Variants in TAS2R1 observed in about 807,000 individuals in gnomAD.
TAS2R1 encodes the protein taste receptor type 2 member 1.
For synonymous variants in TAS2R1, 141 were observed against 134.2 expected, an observed-to-expected ratio of 1.05 and a Z score of -0.35; for missense variants, 370 against 353.4, an observed-to-expected ratio of 1.05 and a Z score of -0.38.
chr5:9,695,077 T>C (rs1419578297), intron 1 of TAS2R1, among the ~76,000 whole-genome samples: 2 of 152,196 alleles, frequency 1.3e-5, no homozygotes, highest in Non-Finnish European at 2.9e-5. Flanking sequence ...CACCAGTACA[T>C]GACTTCTATC....
the TAS2R1 span, among the ~76,000 whole-genome samples, chr5:9,806,560 C>T: frequency 1.7e-3 from 252 of 152,084 alleles, 2 homozygotes; most frequent in African/African-American, 5.7e-3. Flanking sequence ...ACCAAAGGAA[C>T]AGAATAAAGA....
chr5:9,891,834 T>A, the TAS2R1 span, among the ~76,000 whole-genome samples: 1 of 152,162 alleles, frequency 6.6e-6, no homozygotes, highest in Non-Finnish European at 1.5e-5. Context: ...AAGCACTTCA[T>A]GACCACTCCA....
intron 1 of TAS2R1, among the ~76,000 whole-genome samples, chr5:9,672,588 T>C (rs1287759396): frequency 6.6e-6 from 1 of 152,144 alleles, no homozygotes; most frequent in African/African-American, 2.4e-5. Flanking sequence ...TGAGATACTG[T>C]CTCACACCAG....
chr5:9,799,114 T>C, the TAS2R1 span, among the ~76,000 whole-genome samples: 1 of 152,188 alleles, frequency 6.6e-6, no homozygotes, highest in Admixed American at 6.5e-5. Context: ...TGTTAGGTTG[T>C]CTCTCTAAAG....
At chr5:9,816,266 G>A in the TAS2R1 span, among the ~76,000 whole-genome samples, 1 of 152,030 alleles carries the variant, frequency 6.6e-6, no homozygotes, top group South Asian at 2.1e-4. Flanking sequence ...ACCCTGGCAT[G>A]CTATTTTTGA....
chr5:9,636,433 C>A (rs1739965706), intron 2 of TAS2R1, among the ~76,000 whole-genome samples: 1 of 152,062 alleles, frequency 6.6e-6, no homozygotes, highest in Non-Finnish European at 1.5e-5. Flanking sequence ...GTAGAATGTT[C>A]TGTAAATATC....
At chr5:9,872,894 T>C in the TAS2R1 span, among the ~76,000 whole-genome samples, 11,493 of 152,274 alleles carry the variant, frequency 0.075, 1,001 homozygotes, top group East Asian at 0.28. Flanking sequence ...CATTAATTTT[T>C]CCATTAATTA....
chr5:9,894,168 C>T, the TAS2R1 span, among the ~76,000 whole-genome samples: 14 of 151,984 alleles, frequency 9.2e-5, no homozygotes, highest in Non-Finnish European at 8.8e-5. Context: ...TTTGGGAAGC[C>T]GAGGCGGGTG....
chr5:9,809,785 A>G, the TAS2R1 span, among the ~76,000 whole-genome samples: 5 of 152,176 alleles, frequency 3.3e-5, no homozygotes, highest in African/African-American at 1.2e-4. Flanking sequence ...ATCAATGCCA[A>G]TGAAGACCTT....
chr5:9,739,663 A>G, the TAS2R1 span, among the ~76,000 whole-genome samples: 3 of 152,180 alleles, frequency 2.0e-5, no homozygotes, highest in Non-Finnish European at 4.4e-5. Flanking sequence ...TGCAAACACT[A>G]TATTTATTAA....
At chr5:9,736,913 T>C in the TAS2R1 span, among the ~76,000 whole-genome samples, 1 of 152,178 alleles carries the variant, frequency 6.6e-6, no homozygotes, top group Non-Finnish European at 1.5e-5. Flanking sequence ...AGGTCATAGT[T>C]AGAAATGCCC....
the TAS2R1 span, among the ~76,000 whole-genome samples, chr5:9,772,618 G>A: frequency 1.3e-5 from 2 of 152,072 alleles, no homozygotes; most frequent in African/African-American, 4.8e-5. Flanking sequence ...AGCTATGATT[G>A]TATTGGGGCC....
At chr5:9,893,120 C>A in the TAS2R1 span, among the ~76,000 whole-genome samples, 1 of 152,114 alleles carries the variant, frequency 6.6e-6, no homozygotes, top group Non-Finnish European at 1.5e-5. Flanking sequence ...TACATGCAAC[C>A]AGAGAGAAGG....
intron 1 of TAS2R1, among the ~76,000 whole-genome samples, chr5:9,660,150 C>A (rs899361854): frequency 4.7e-5 from 7 of 149,798 alleles, no homozygotes; most frequent in African/African-American, 1.7e-4. Flanking sequence ...GCTCTGCCTC[C>A]TGGGTTCATG....
chr5:9,740,102 A>C, the TAS2R1 span, among the ~76,000 whole-genome samples: 1 of 152,184 alleles, frequency 6.6e-6, no homozygotes, highest in Non-Finnish European at 1.5e-5. Flanking sequence ...GATAGACTGT[A>C]ACCAAAACGA....
At chr5:9,698,827 T>C (rs1235314622) in intron 1 of TAS2R1, among the ~76,000 whole-genome samples, 2 of 152,226 alleles carry the variant, frequency 1.3e-5, no homozygotes, top group Non-Finnish European at 2.9e-5. Context: ...GAAAGAATAT[T>C]ATCTTGTAAA....
chr5:9,830,001 T>C, the TAS2R1 span, among the ~76,000 whole-genome samples: 16 of 152,286 alleles, frequency 1.1e-4, 1 homozygote, highest in South Asian at 8.3e-4. Flanking sequence ...TTTGTGACCA[T>C]TGACCTTGTC....
the TAS2R1 span, among the ~76,000 whole-genome samples, chr5:9,718,396 C>A: frequency 6.6e-6 from 1 of 152,102 alleles, no homozygotes; most frequent in African/African-American, 2.4e-5. Context: ...AAAAGTCCTA[C>A]AGAAAAATGG....
the TAS2R1 span, among the ~76,000 whole-genome samples, chr5:9,845,337 A>G: frequency 1.3e-5 from 2 of 152,242 alleles, no homozygotes; most frequent in Admixed American, 6.5e-5. Context: ...ATGTGTTATT[A>G]AATTTAAAAA....
Sources: gnomAD v4.1 joint callset for allele counts (sites outside exome capture counted in the v4.1 genomes callset) on GRCh38, gnomAD v4.1.1 for gene constraint, MANE v1.5 for transcripts, NCBI Gene and HGNC (gene_info 2026-07-23, HGNC 2026-07-21) for gene names.